FRK: variants seen among roughly 807,000 people sequenced by gnomAD.
The protein encoded by FRK is tyrosine-protein kinase FRK.
FRK carries 51 observed loss-of-function variants against 56.4 expected under a neutral mutation model. The ratio of observed to expected loss-of-function variants is 0.90; its 90% CI spans 0.72 to 1.14. FRK has a LOEUF of 1.14. Among genes scored for constraint, FRK ranks in the 50% most tolerant of loss-of-function variants. The pLI is 0.00. For missense variants in FRK, 570 were observed against 601.4 expected (o/e 0.95, Z 0.55); for synonymous variants, 245 against 217.9 (o/e 1.12, Z -1.10).
chr6:116,096,772 C>T, the FRK span, among the ~76,000 whole-genome samples: 4 of 152,234 alleles, frequency 2.6e-5, no homozygotes, highest in Non-Finnish European at 4.4e-5. Flanking sequence ...CGGCAACCCA[C>T]TCAGGTCCTC....
At chr6:116,039,300 A>G (rs1167038586) in intron 1 of FRK, 1 of 1,445,058 alleles carries the variant, frequency 6.9e-7, no homozygotes, top group Non-Finnish European at 9.7e-7. Context: ...AGGCCCAGGA[A>G]GTACACGAGA....
the FRK span, among the ~76,000 whole-genome samples, chr6:116,091,340 G>A: frequency 1.3e-5 from 2 of 152,162 alleles, no homozygotes; most frequent in African/African-American, 2.4e-5. Context: ...ACAAATAAGG[G>A]AATAAAAGCT....
At chr6:115,952,452 G>A (rs572312896) in intron 5 of FRK, among the ~76,000 whole-genome samples, 1 of 152,100 alleles carries the variant, frequency 6.6e-6, no homozygotes, top group Admixed American at 6.5e-5. Flanking sequence ...GGAGAAATAG[G>A]AACACTTTTA....
chr6:115,931,289 A>G lies in FRK; in HGVS notation c.*11125T>C, dbSNP rs914778978. ...TCCAGTGTGAATAAAAATAGAATAC[A>G]TAGGGCAAAATATAATTTCAAGAAA... On this transcript the variant is annotated 3_prime_UTR_variant, in exon 8 of 8. Transcript: ENST00000606080. 2.6e-5 allele frequency: 4 copies of G among 152,220 alleles called. No individual in the cohort carries two copies. Among genetic ancestry groups the G allele is most frequent in the Admixed American group, 2.0e-4 (3 of 15,290 alleles). The allele number at this position is 152,220 out of a possible 1,614,324, so 9.4% of individuals were successfully genotyped here.
At chr6:116,097,997 A>C in the FRK span, among the ~76,000 whole-genome samples, 3 of 152,090 alleles carry the variant, frequency 2.0e-5, no homozygotes, top group Non-Finnish European at 4.4e-5. Flanking sequence ...GGGTTTAGAC[A>C]ACAAAAAATT....
chr6:116,074,690 C>A, the FRK span, among the ~76,000 whole-genome samples: 2 of 152,092 alleles, frequency 1.3e-5, no homozygotes, highest in Non-Finnish European at 2.9e-5. Context: ...AGAAGTCAGA[C>A]GGGAGGAGTC....
chr6:116,024,299 T>C (rs1279220463), intron 1 of FRK, among the ~76,000 whole-genome samples: 1 of 152,088 alleles, frequency 6.6e-6, no homozygotes, highest in African/African-American at 2.4e-5. Flanking sequence ...AGTTTTAGGG[T>C]ACATGTGCAC....
chr6:115,942,933 G>T (rs1417366211), intron 7 of FRK, 87 bp downstream of exon 7: 2 of 1,299,956 alleles, frequency 1.5e-6, no homozygotes. Context: ...TCATAACTCT[G>T]CCCTCTAAGT....
chr6:115,993,096 T>C (rs990967853), intron 2 of FRK, among the ~76,000 whole-genome samples: 2 of 151,746 alleles, frequency 1.3e-5, no homozygotes, highest in Non-Finnish European at 3.0e-5. Context: ...TAAATACTAA[T>C]GCTAAAATTT....
chr6:115,947,339 TG>T (rs1690767986), intron 5 of FRK, among the ~76,000 whole-genome samples: 1 of 151,938 alleles, frequency 6.6e-6, no homozygotes, highest in South Asian at 2.1e-4. Flanking sequence ...TGTGTGTGTG[TG>T]TGTGTGTGTG....
intron 1 of FRK, among the ~76,000 whole-genome samples, chr6:116,031,329 A>T (rs967177507): frequency 6.6e-6 from 1 of 152,150 alleles, no homozygotes; most frequent in African/African-American, 2.4e-5. Context: ...TTGTATAATA[A>T]ATTTGTTATA....
chr6:115,950,430 C>T lies in FRK; in HGVS notation c.959-6005G>A, dbSNP rs145258235. Among the ~76,000 whole-genome samples the T allele has an allele frequency of 1.2e-3, 180 of 152,168 alleles. 5 individuals carry two copies. In the East Asian group the frequency reaches 0.032, roughly 27 times the overall value. ...GTCAACAAATATATGAAAAAAAGCTCATCATCACTAGAGAAATCCAAACCA... is the reference window on the plus strand; with the variant it reads ...GTCAACAAATATATGAAAAAAAGCTTATCATCACTAGAGAAATCCAAACCA... On this transcript the variant is annotated intron_variant, in intron 5 of 7. Transcript: ENST00000606080.
Position 116,003,974 on chromosome 6 carries a change from T to C in FRK, c.369A>G (p.Arg123=). The C allele has an allele frequency of 6.2e-7, 1 of 1,612,802 alleles. No individual in the cohort carries two copies. Among genetic ancestry groups the C allele is most frequent in the Non-Finnish European group, 8.5e-7 (1 of 1,179,082 alleles). The change falls in exon 2 of 8, where the codon AGA becomes AGG. Residue 123 remains arginine (R), a synonymous_variant. Transcript: ENST00000606080. The part of the protein sequence containing the change: ...AEPWFFGAIG[R]SDAEKQLLYS... ...ATAATAGTTGTTTCTCTGCATCTGA[T>C]CTTCCGATTGCTCCAAAGAACCACC...
chr6:115,982,247 G>A (rs1774224957), intron 2 of FRK, among the ~76,000 whole-genome samples: 1 of 152,068 alleles, frequency 6.6e-6, no homozygotes, highest in African/African-American at 2.4e-5. Context: ...AAGCCTTTGA[G>A]TTCTAAGACT....
intron 1 of FRK, chr6:116,039,038 T>C (rs1314417205): frequency 2.7e-6 from 2 of 752,116 alleles, no homozygotes; most frequent in East Asian, 2.6e-5. Flanking sequence ...CCTGGGGCAC[T>C]CAGAGAGTAG....
At chr6:115,978,181 C>A (rs1371868614) in intron 2 of FRK, among the ~76,000 whole-genome samples, 1 of 152,070 alleles carries the variant, frequency 6.6e-6, no homozygotes, top group African/African-American at 2.4e-5. Flanking sequence ...TACAGAAAAT[C>A]TTTCACTGGG....
intron 1 of FRK, among the ~76,000 whole-genome samples, chr6:116,041,299 G>T (rs1776700688): frequency 6.6e-6 from 1 of 152,098 alleles, no homozygotes; most frequent in Admixed American, 6.5e-5. Flanking sequence ...AACAGCCTAA[G>T]GCTAAACAGA....
the FRK span, among the ~76,000 whole-genome samples, chr6:116,095,323 ATGGGAGTTGCT>A: frequency 7.2e-5 from 11 of 152,232 alleles, 1 homozygote; most frequent in African/African-American, 2.7e-4. Flanking sequence ...CTGCTCAAAC[ATGGGAGTTGCT>A]TGCACTCAGC....
intron 2 of FRK, among the ~76,000 whole-genome samples, chr6:115,986,762 G>T (rs1326898255): frequency 6.6e-6 from 1 of 152,114 alleles, no homozygotes; most frequent in Non-Finnish European, 1.5e-5. Flanking sequence ...CAAACATTTA[G>T]ATGAAATCTG....
Sources: allele counts gnomAD v4.1 joint callset (sites outside exome capture counted in the v4.1 genomes callset), GRCh38; gene constraint gnomAD v4.1.1; transcripts MANE v1.5; gene names NCBI Gene and HGNC (gene_info 2026-07-23, HGNC 2026-07-21).